Variants in MPPED2 observed in about 807,000 individuals in gnomAD.
The protein encoded by MPPED2 is metallophosphoesterase domain containing 2, also known as metallophosphoesterase MPPED2.
Under a neutral mutation model 33.0 loss-of-function variants are expected in MPPED2, and 5 were observed. That is an observed-to-expected ratio of 0.15 (90% CI 0.08 to 0.32). MPPED2 has a LOEUF of 0.32. Among genes scored for constraint, MPPED2 ranks in the 10% least tolerant of loss-of-function variants. The pLI is 1.00. For synonymous variants in MPPED2, 136 were observed against 141.9 expected (o/e 0.96, Z 0.29); for missense variants, 275 against 372.1 (o/e 0.74, Z 2.15).
At chr11:30,535,287 C>T (rs938374885) in intron 3 of MPPED2, among the ~76,000 whole-genome samples, 6 of 152,114 alleles carry the variant, frequency 3.9e-5, no homozygotes, top group Non-Finnish European at 7.4e-5. Context: ...ATAATTCTTT[C>T]GTCTTTAGGG....
At chr11:30,397,828 T>C (rs1195883345) in intron 6 of MPPED2, among the ~76,000 whole-genome samples, 1 of 152,094 alleles carries the variant, frequency 6.6e-6, no homozygotes, top group African/African-American at 2.4e-5. Flanking sequence ...AAAAATATGA[T>C]ACTAAAAATG....
At chr11:30,403,711 A>T (rs892690301) in intron 6 of MPPED2, among the ~76,000 whole-genome samples, 1 of 152,182 alleles carries the variant, frequency 6.6e-6, no homozygotes, top group African/African-American at 2.4e-5. Context: ...CTGTTATTTG[A>T]GACAGTAGTA....
chr11:30,451,387 G>T (rs537626929), intron 4 of MPPED2, among the ~76,000 whole-genome samples: 48 of 152,286 alleles, frequency 3.2e-4, no homozygotes, highest in African/African-American at 1.1e-3. Context: ...CTGCTAACCT[G>T]GCCCCCCTGC....
chr11:30,534,266 A>C (rs1269631528), intron 3 of MPPED2, among the ~76,000 whole-genome samples: 1 of 152,210 alleles, frequency 6.6e-6, no homozygotes, highest in Non-Finnish European at 1.5e-5. Flanking sequence ...TCTGTGTTGA[A>C]ATTCCATTGA....
intron 1 of MPPED2, among the ~76,000 whole-genome samples, chr11:30,581,160 CAG>C (rs1302129703): frequency 1.3e-5 from 2 of 152,068 alleles, no homozygotes; most frequent in Non-Finnish European, 2.9e-5. Flanking sequence ...TCCAGTCACT[CAG>C]GGGAAAACCA....
chr11:30,443,971 A>T (rs931012418), intron 4 of MPPED2, among the ~76,000 whole-genome samples: 1 of 152,250 alleles, frequency 6.6e-6, no homozygotes, highest in Non-Finnish European at 1.5e-5. Context: ...ACCTTCTGGA[A>T]AAAGCACTAG....
At chr11:30,527,797 T>C (rs2134423518) in intron 3 of MPPED2, among the ~76,000 whole-genome samples, 1 of 152,056 alleles carries the variant, frequency 6.6e-6, no homozygotes, top group South Asian at 2.1e-4. Context: ...AGTTCTCCCC[T>C]CCCCCTGTCT....
intron 4 of MPPED2, among the ~76,000 whole-genome samples, chr11:30,444,426 C>T (rs1191356518): frequency 6.6e-6 from 1 of 151,348 alleles, no homozygotes; most frequent in Non-Finnish European, 1.5e-5. Flanking sequence ...CTAAATTACT[C>T]TCAAACACAC....
intron 1 of MPPED2, among the ~76,000 whole-genome samples, chr11:30,583,715 A>G (rs1957303474): frequency 6.6e-6 from 1 of 152,192 alleles, no homozygotes. Flanking sequence ...CCTAGACACC[A>G]GAAGTCCAAT....
intron 2 of MPPED2, among the ~76,000 whole-genome samples, chr11:30,577,389 C>G (rs1956976766): frequency 6.6e-6 from 1 of 152,084 alleles, no homozygotes; most frequent in Non-Finnish European, 1.5e-5. Context: ...TCAGAAATCT[C>G]AAGTGTAAGT....
In MPPED2 at chr11:30,580,415, GC is replaced by G. The variant is rs1376638981; in HGVS notation, c.-43del. ...CATGAGCAATTCACAACTTTACAGAGCAAAAGATGGAAGCAGGCATGGTGCG... is the reference window on the plus strand; with the variant it reads ...CATGAGCAATTCACAACTTTACAGAGAAAAGATGGAAGCAGGCATGGTGCG... On this transcript the variant is annotated 5_prime_UTR_variant, in exon 2 of 7. It introduces an in-frame stop codon into an upstream open reading frame of the 5' UTR. Transcript: ENST00000358117. 1 of 1,607,824 alleles carries G rather than the reference GC, an allele frequency of 6.2e-7. No homozygotes were observed. The highest frequency in any genetic ancestry group is 2.2e-5 in the East Asian group (1 of 44,744).
chr11:30,491,192 GCTT>G (rs1359152651), intron 4 of MPPED2, among the ~76,000 whole-genome samples: 1 of 152,168 alleles, frequency 6.6e-6, no homozygotes, highest in Non-Finnish European at 1.5e-5. Context: ...CCCAAACGTT[GCTT>G]CTTAATAATA....
chr11:30,422,614 C>T (rs34041902), intron 4 of MPPED2, among the ~76,000 whole-genome samples: 1,888 of 152,216 alleles, frequency 0.012, 80 homozygotes, highest in Admixed American at 0.077. Flanking sequence ...CAGAGCCCCA[C>T]AATGGGTTTT....
In MPPED2 at chr11:30,449,482, T is replaced by C. The variant is rs1590315576; in HGVS notation, c.537-31849A>G. On this transcript the variant is annotated intron_variant, in intron 4 of 6. Coordinates refer to ENST00000358117, the MANE Select transcript of MPPED2 (RefSeq NM_001584.3). ...CAGCTGAGACAACATGGCAAAACCC[T>C]GTCTCTACACAAAAATTAGGGTGTG... Among the ~76,000 whole-genome samples the C allele has an allele frequency of 4.0e-5, 6 of 151,020 alleles. No individual in the cohort carries two copies. The South Asian group carries it at 1.2e-3, about 31-fold the overall frequency.
chr11:30,423,246 T>G (rs1443692871), intron 4 of MPPED2, among the ~76,000 whole-genome samples: 1 of 152,118 alleles, frequency 6.6e-6, no homozygotes, highest in Non-Finnish European at 1.5e-5. Flanking sequence ...AAACAGGAAG[T>G]TGGTGCCTGT....
downstream of MPPED2, among the ~76,000 whole-genome samples, chr11:30,406,475 T>G (rs1416453773): frequency 1.3e-5 from 2 of 152,070 alleles, no homozygotes; most frequent in Non-Finnish European, 2.9e-5. Flanking sequence ...TGGAGCTTCT[T>G]AGGGAGTTTT....
At chr11:30,481,393 T>TA (rs965332722) in intron 4 of MPPED2, among the ~76,000 whole-genome samples, 4 of 152,150 alleles carry the variant, frequency 2.6e-5, no homozygotes, top group African/African-American at 4.8e-5. Flanking sequence ...AATCAGCGTA[T>TA]AAAAACCAAA....
chr11:30,428,197 C>A (rs780281014), intron 4 of MPPED2, among the ~76,000 whole-genome samples: 18 of 152,142 alleles, frequency 1.2e-4, no homozygotes, highest in Non-Finnish European at 2.5e-4. Context: ...TGAGCACCTG[C>A]TTAGTGCCAG....
intron 2 of MPPED2, among the ~76,000 whole-genome samples, chr11:30,540,044 T>A (rs1212482843): frequency 2.6e-5 from 4 of 152,192 alleles, no homozygotes; most frequent in Admixed American, 2.6e-4. Context: ...ATTCTGTACC[T>A]CTGAGAAAGC....
Sources: allele counts gnomAD v4.1 joint callset (sites outside exome capture counted in the v4.1 genomes callset), GRCh38; gene constraint gnomAD v4.1.1; transcripts MANE v1.5; gene names NCBI Gene and HGNC (gene_info 2026-07-23, HGNC 2026-07-21).